The following EXPH5 variants were observed in gnomAD, a reference collection of about 807,000 sequenced individuals.
The protein encoded by EXPH5 is exophilin 5.
EXPH5 carries 42 observed loss-of-function variants against 41.1 expected under a neutral mutation model. The ratio of observed to expected loss-of-function variants is 1.02; its 90% CI spans 0.80 to 1.32. The LOEUF is 1.32. Among genes scored for constraint, EXPH5 ranks in the 40% most tolerant of loss-of-function variants. The pLI is 0.00. For missense variants in EXPH5, 2,298 were observed against 2,314.5 expected, an observed-to-expected ratio of 0.99 and a Z score of 0.15; for synonymous variants, 798 against 833.5, an observed-to-expected ratio of 0.96 and a Z score of 0.73.
chr11:108,548,356 T>C (rs2093948429), intron 1 of EXPH5, among the ~76,000 whole-genome samples: 1 of 152,240 alleles, frequency 6.6e-6, no homozygotes, highest in South Asian at 2.1e-4. Context: ...AAATAATCCA[T>C]GGATATGTTT....
At chr11:108,597,347 G>A (rs1050228820), upstream of EXPH5, among the ~76,000 whole-genome samples, 3 of 152,078 alleles carry the variant, frequency 2.0e-5, no homozygotes, top group African/African-American at 7.2e-5. Context: ...ACAGGCGCAC[G>A]CCACCGCACC....
At position 108,583,639 on chromosome 11, in the gene EXPH5, T is replaced by C. The variant is rs2094105033; in HGVS notation, c.119+9779A>G. ...GAGGTGGAGACCAGTCTGGCCAACA[T>C]AGCAAAACCCCATCTCTATTAAAAA... is the stretch of plus-strand genomic sequence containing the variant. On this transcript the variant is annotated intron_variant, in intron 1 of 5. Transcript: ENST00000265843. Among the ~76,000 whole-genome samples, 4 of 141,658 alleles carry C rather than the reference T, an allele frequency of 2.8e-5. No homozygotes were observed. The South Asian group carries it at 8.8e-4, about 31-fold the overall frequency. 92.9% of individuals were successfully genotyped at this position (141,658 alleles called of 152,430 possible). A position where few individuals can be genotyped will look rare whatever the true frequency, so the allele number is the denominator to read the frequency against.
chr11:108,529,780 G>A (rs1445128820), intron 3 of EXPH5, among the ~76,000 whole-genome samples: 1 of 151,504 alleles, frequency 6.6e-6, no homozygotes, highest in Non-Finnish European at 1.5e-5. Context: ...GGAGGCAGAG[G>A]TTGCAGTGAG....
intron 3 of EXPH5, among the ~76,000 whole-genome samples, chr11:108,530,131 T>C (rs1360380983): frequency 1.3e-5 from 2 of 152,216 alleles, no homozygotes; most frequent in Admixed American, 1.3e-4. Context: ...GAAATTGAAA[T>C]GAAAACTATG....
At chr11:108,544,092 C>G (rs984996889) in intron 1 of EXPH5, among the ~76,000 whole-genome samples, 6 of 152,196 alleles carry the variant, frequency 3.9e-5, no homozygotes, top group African/African-American at 1.4e-4. Context: ...TTTCAGGAGA[C>G]AGTCAAGCTA....
At position 108,557,175 on chromosome 11, in the gene EXPH5, T is replaced by A. The variant is rs547478283; in HGVS notation, c.120-15363A>T. On this transcript the variant is annotated intron_variant, in intron 1 of 5. Transcript: ENST00000265843. ...TTCTCCCATATTCAGTTACTTTCTA[T>A]CAAGTTACTTGGTTTACTTTTCTTT... 2.6e-4 allele frequency among the ~76,000 whole-genome samples: 39 copies of A among 152,374 alleles called. 1 individual carries two copies. In the South Asian group the frequency reaches 8.1e-3, roughly 32 times the overall value.
chr11:108,553,145 G>A (rs939049821), intron 1 of EXPH5, among the ~76,000 whole-genome samples: 3 of 152,172 alleles, frequency 2.0e-5, no homozygotes, highest in Non-Finnish European at 4.4e-5. Context: ...GTTGCAGTGA[G>A]CCGAGATCAT....
At chr11:108,572,021 G>A (rs544336207) in intron 1 of EXPH5, among the ~76,000 whole-genome samples, 2 of 150,684 alleles carry the variant, frequency 1.3e-5, no homozygotes, top group East Asian at 3.9e-4. Context: ...CTGCACTCCA[G>A]CCTGGGTGAC....
chr11:108,565,154 C>T (rs1347570519), intron 1 of EXPH5, among the ~76,000 whole-genome samples: 1 of 152,114 alleles, frequency 6.6e-6, no homozygotes, highest in Non-Finnish European at 1.5e-5. Context: ...GATCCGCCCA[C>T]CTCCACCTCC....
At chr11:108,528,024 T>A in intron 4 of EXPH5, 112 bp downstream of exon 4, 1 of 677,204 alleles carries the variant, frequency 1.5e-6, no homozygotes, top group South Asian at 2.1e-5. Flanking sequence ...TCCAAGCTTC[T>A]AAAATAAATT....
In EXPH5 at chr11:108,539,030, T is replaced by G; in HGVS notation, c.437A>C (p.Gln146Pro). 4 of 1,591,256 alleles carry G rather than the reference T, an allele frequency of 2.5e-6. No homozygotes were observed. The highest frequency in any genetic ancestry group is 2.6e-6 in the Non-Finnish European group (3 of 1,167,950). Residue 146 changes from glutamine (Q) to proline (P), a missense_variant, in exon 3 of 6, where the codon CAG becomes CCG. By Grantham distance (76) the Gln-to-Pro change is moderately conservative (BLOSUM62 -1). Transcript: ENST00000265843. ...TGACCTGAGTTTAACTCACCCTTTC[T>G]GTCCCAGTGATGGAAGCTTTGAAGT... The part of the protein sequence containing the change: ...KETSKLPSLG[Q>P]KGCDGHAGPP...
chr11:108,579,532 T>G (rs1034806755), intron 1 of EXPH5, among the ~76,000 whole-genome samples: 1 of 151,068 alleles, frequency 6.6e-6, no homozygotes, highest in African/African-American at 2.4e-5. Flanking sequence ...ACAATTAGTT[T>G]GGAAGTAAAA....
In EXPH5 at chr11:108,558,644, T is replaced by C. The variant is rs116534459; in HGVS notation, c.120-16832A>G. 1.4e-3 allele frequency among the ~76,000 whole-genome samples: 214 copies of C among 152,320 alleles called. 1 individual carries two copies. Among genetic ancestry groups the C allele is most frequent in the African/African-American group, 4.7e-3 (195 of 41,566 alleles). On this transcript the variant is annotated intron_variant, in intron 1 of 5. Transcript: ENST00000265843. The stretch of plus-strand genomic sequence containing the variant: ...GATCCATTACATGATTAAAATGAAA[T>C]GAACAGAAAAGGACACATGATTCCA...
chr11:108,553,999 A>C (rs995579181), intron 1 of EXPH5, among the ~76,000 whole-genome samples: 1 of 152,206 alleles, frequency 6.6e-6, no homozygotes, highest in Non-Finnish European at 1.5e-5. Flanking sequence ...TTACCAATGA[A>C]GAAATTAAAA....
At position 108,509,430 on chromosome 11, in the gene EXPH5, A is replaced by T; in HGVS notation, c.*107T>A. On this transcript the variant is annotated 3_prime_UTR_variant, in exon 6 of 6. Coordinates refer to ENST00000265843, the MANE Select transcript of EXPH5 (RefSeq NM_015065.3). Reference sequence around the variant, plus strand: ...GGAGATGTGGGACATTTCAGAGCAGACACTGCCCAGACTAGATCTTTTATC... The same window carrying T: ...GGAGATGTGGGACATTTCAGAGCAGTCACTGCCCAGACTAGATCTTTTATC... 9.3e-7 allele frequency: 1 copy of T among 1,072,274 alleles called. No homozygotes were observed. The highest frequency in any genetic ancestry group is 1.3e-6 in the Non-Finnish European group (1 of 760,204). 66.4% of individuals were successfully genotyped at this position (1,072,274 alleles called of 1,614,324 possible).
At chr11:108,531,324 G>T (rs543497773) in intron 3 of EXPH5, among the ~76,000 whole-genome samples, 2 of 152,314 alleles carry the variant, frequency 1.3e-5, no homozygotes, top group South Asian at 4.1e-4. Flanking sequence ...CGGCGCAGTG[G>T]CTCACGCCTG....
chr11:108,555,796 G>A (rs1349815133), intron 1 of EXPH5, among the ~76,000 whole-genome samples: 2 of 152,158 alleles, frequency 1.3e-5, no homozygotes, highest in African/African-American at 4.8e-5. Context: ...TGTGAAAAAG[G>A]ATGTGTTTGC....
rs768963839 is a variant in EXPH5 at position 108,593,431 on chromosome 11, T to G, written c.106A>C (p.Lys36Gln). ...TTTGCTCTGTACCTGATCCTGTCCT[T>G]CTCGGCCCTCTGTAACTCCTCATTC... ...ERNEELQRAEKDRISKLQKTK... is the reference protein window; with the variant it reads ...ERNEELQRAEQDRISKLQKTK... Residue 36 changes from lysine (K) to glutamine (Q), a missense_variant, in exon 1 of 6, where the codon AAG (lysine) becomes CAG (glutamine). Coordinates refer to ENST00000265843, the MANE Select transcript of EXPH5 (RefSeq NM_015065.3). The G allele has an allele frequency of 1.9e-6, 3 of 1,613,808 alleles. No homozygotes were observed. In the African/African-American group the frequency reaches 4.0e-5, roughly 22 times the overall value.
intron 1 of EXPH5, among the ~76,000 whole-genome samples, chr11:108,583,385 A>AT (rs1565835326): frequency 6.6e-6 from 1 of 151,714 alleles, no homozygotes; most frequent in African/African-American, 2.4e-5. Context: ...AAAAAAAATA[A>AT]AAAAAAAAAT....
Sources: allele counts gnomAD v4.1 joint callset (sites outside exome capture counted in the v4.1 genomes callset), GRCh38; gene constraint gnomAD v4.1.1; transcripts MANE v1.5; gene names NCBI Gene and HGNC (gene_info 2026-07-23, HGNC 2026-07-21).